RPS6KC1: variants seen among roughly 807,000 people sequenced by gnomAD.
The protein encoded by RPS6KC1 is ribosomal protein S6 kinase C1, also known as inactive ribosomal protein S6 kinase delta-1.
RPS6KC1 carries 54 observed loss-of-function variants against 103.8 expected under a neutral mutation model. The observed-to-expected ratio is 0.52, with a 90% confidence interval of 0.42 to 0.65. RPS6KC1 has a LOEUF of 0.65. RPS6KC1 is among the 30% of genes least tolerant of loss of function. The pLI is 0.00. For missense variants in RPS6KC1, 1,151 were observed against 1,253.8 expected (o/e 0.92, Z 1.24); for synonymous variants, 439 against 438.7 (o/e 1.00, Z -0.01).
chr1:213,103,554 T>G (rs1038750648), intron 3 of RPS6KC1, among the ~76,000 whole-genome samples: 25 of 152,182 alleles, frequency 1.6e-4, no homozygotes, highest in African/African-American at 6.0e-4. Context: ...TGAGACACAC[T>G]GGGCAGAGGG....
Position 213,138,189 on chromosome 1 carries a change from T to TTATA in RPS6KC1, c.835+8301_835+8302insATAT, listed in dbSNP as rs777234365. On this transcript the variant is annotated intron_variant, in intron 6 of 14. Coordinates refer to ENST00000366960, the MANE Select transcript of RPS6KC1 (RefSeq NM_012424.6). Reference sequence around the variant, plus strand: ...ACTTGGTTGTGATATGGATTATCCTTTTTATATATCATTGGATTTAATTGC... The same window carrying TTATA: ...ACTTGGTTGTGATATGGATTATCCTTTATATTTATATATCATTGGATTTAATTGC... Among the ~76,000 whole-genome samples the TTATA allele has an allele frequency of 1.6e-3, 238 of 152,246 alleles. 1 individual carries two copies. Among genetic ancestry groups the TTATA allele is most frequent in the Non-Finnish European group, 1.6e-3 (107 of 68,012 alleles).
the RPS6KC1 span, among the ~76,000 whole-genome samples, chr1:213,396,408 T>A: frequency 6.6e-6 from 1 of 152,166 alleles, no homozygotes; most frequent in Non-Finnish European, 1.5e-5. Flanking sequence ...AGAGACTGCA[T>A]CTTCCATTTC....
intron 12 of RPS6KC1, among the ~76,000 whole-genome samples, chr1:213,256,347 A>C (rs561995214): frequency 6.6e-6 from 1 of 151,866 alleles, no homozygotes; most frequent in Admixed American, 6.6e-5. Flanking sequence ...AGCTTAGCTA[A>C]AGTGTCTCCA....
At chr1:213,165,826 G>C (rs935057398) in intron 6 of RPS6KC1, among the ~76,000 whole-genome samples, 1 of 152,080 alleles carries the variant, frequency 6.6e-6, no homozygotes, top group Admixed American at 6.5e-5. Flanking sequence ...CAAAGTGTTG[G>C]GATTATAGGC....
chr1:213,596,466 G>A, the RPS6KC1 span, among the ~76,000 whole-genome samples: 2 of 152,332 alleles, frequency 1.3e-5, no homozygotes, highest in East Asian at 1.9e-4. Flanking sequence ...AGTAAGACCA[G>A]CCACCAAAAG....
At chr1:213,322,911 C>T in the RPS6KC1 span, among the ~76,000 whole-genome samples, 58 of 36,672 alleles carry the variant, frequency 1.6e-3, 2 homozygotes, top group African/African-American at 6.4e-3. Context: ...CCATGCCCAG[C>T]TTTTTTTTTT....
chr1:213,781,004 CAG>C, the RPS6KC1 span, among the ~76,000 whole-genome samples: 1 of 152,138 alleles, frequency 6.6e-6, no homozygotes, highest in African/African-American at 2.4e-5. Context: ...ATCTGGGTAA[CAG>C]AGCGAGATTC....
At chr1:213,365,081 A>G in the RPS6KC1 span, among the ~76,000 whole-genome samples, 3,655 of 152,300 alleles carry the variant, frequency 0.024, 153 homozygotes, top group African/African-American at 0.083. Context: ...TACCAATAAC[A>G]TGTTTGGATT....
the RPS6KC1 span, among the ~76,000 whole-genome samples, chr1:213,814,062 T>C: frequency 2.8e-4 from 42 of 152,214 alleles, no homozygotes; most frequent in Non-Finnish European, 4.9e-4. Context: ...CTCAGTTTTA[T>C]ACAGAATTAG....
chr1:213,531,874 G>A, the RPS6KC1 span, among the ~76,000 whole-genome samples: 1 of 152,146 alleles, frequency 6.6e-6, no homozygotes, highest in Non-Finnish European at 1.5e-5. Context: ...AGCAATTCCA[G>A]TGCTGGACCC....
At chr1:213,390,369 C>T in the RPS6KC1 span, among the ~76,000 whole-genome samples, 3 of 152,138 alleles carry the variant, frequency 2.0e-5, no homozygotes, top group South Asian at 2.1e-4. Context: ...TTAATCCTTC[C>T]GTTGTAATAC....
chr1:213,548,935 G>T, the RPS6KC1 span, among the ~76,000 whole-genome samples: 3 of 152,118 alleles, frequency 2.0e-5, no homozygotes, highest in Non-Finnish European at 2.9e-5. Flanking sequence ...ATAAAATACT[G>T]TTAGAGCAAA....
chr1:213,514,615 A>T, the RPS6KC1 span, among the ~76,000 whole-genome samples: 1 of 151,868 alleles, frequency 6.6e-6, no homozygotes, highest in Non-Finnish European at 1.5e-5. Context: ...ACATTTTCTT[A>T]ATCCAGTCTA....
At chr1:213,069,858 A>C (rs1040804121) in intron 1 of RPS6KC1, among the ~76,000 whole-genome samples, 1 of 152,188 alleles carries the variant, frequency 6.6e-6, no homozygotes, top group Non-Finnish European at 1.5e-5. Flanking sequence ...TATGTAATCT[A>C]ATGTGAGATT....
chr1:213,201,844 T>TA (rs1445212294), intron 8 of RPS6KC1, among the ~76,000 whole-genome samples: 4 of 152,240 alleles, frequency 2.6e-5, no homozygotes, highest in African/African-American at 7.2e-5. Flanking sequence ...AAAATTGTGA[T>TA]ACTATAGTTG....
chr1:213,233,715 T>C (rs779806734), intron 10 of RPS6KC1, among the ~76,000 whole-genome samples: 4 of 152,206 alleles, frequency 2.6e-5, no homozygotes, highest in African/African-American at 7.2e-5. Flanking sequence ...TGTAGAAAAT[T>C]TGTATAATCT....
At chr1:213,356,093 C>T in the RPS6KC1 span, among the ~76,000 whole-genome samples, 1 of 152,100 alleles carries the variant, frequency 6.6e-6, no homozygotes, top group Non-Finnish European at 1.5e-5. Context: ...GATAGAACTC[C>T]AAAGATAGAC....
the RPS6KC1 span, among the ~76,000 whole-genome samples, chr1:213,471,832 A>G: frequency 1.3e-5 from 2 of 151,922 alleles, no homozygotes; most frequent in East Asian, 1.9e-4. Context: ...CAAGTATAAC[A>G]TATCAGAAAC....
At chr1:213,423,122 C>A in the RPS6KC1 span, among the ~76,000 whole-genome samples, 89 of 152,382 alleles carry the variant, frequency 5.8e-4, no homozygotes, top group African/African-American at 2.1e-3. Flanking sequence ...GCACTGCCCA[C>A]ATGACCTGCT....
Sources: gnomAD v4.1 joint callset for allele counts (sites outside exome capture counted in the v4.1 genomes callset) on GRCh38, gnomAD v4.1.1 for gene constraint, MANE v1.5 for transcripts, NCBI Gene and HGNC (gene_info 2026-07-23, HGNC 2026-07-21) for gene names.